The following ICA1L variants were observed in gnomAD, a reference collection of about 807,000 sequenced individuals.
ICA1L encodes islet cell autoantigen 1 like.
In ICA1L, 50 loss-of-function variants were observed where a neutral mutation model predicts 61.3. The observed-to-expected ratio is 0.82, with a 90% CI of 0.65 to 1.03. The LOEUF is 1.03. Among genes scored for constraint, ICA1L ranks in the 50% least tolerant of loss-of-function variants. ICA1L has a pLI of 0.00. For missense variants in ICA1L, 508 were observed against 556.7 expected (o/e 0.91, Z 0.88); for synonymous variants, 161 against 191.3 (o/e 0.84, Z 1.31).
At chr2:202,805,743 G>A (rs1251774029) in intron 9 of ICA1L, among the ~76,000 whole-genome samples, 2 of 152,040 alleles carry the variant, frequency 1.3e-5, no homozygotes, top group African/African-American at 2.4e-5. Context: ...AGAAAAAAGG[G>A]AGAAGGAACA....
intron 1 of ICA1L, among the ~76,000 whole-genome samples, chr2:202,843,426 G>A (rs1469286954): frequency 6.6e-6 from 1 of 152,182 alleles, no homozygotes; most frequent in Admixed American, 6.5e-5. Flanking sequence ...TTCTGCAGTG[G>A]CGCAAGAGTT....
At position 202,830,834 on chromosome 2, in the gene ICA1L, A is replaced by T. The variant is rs1304866972; in HGVS notation, c.-7-1818T>A. On this transcript the variant is annotated intron_variant, in intron 1 of 12. Coordinates refer to ENST00000358299, the MANE Select transcript of ICA1L (RefSeq NM_001288622.3). ...GAGTAAGGCATGTAACACACAGTAC[A>T]AAACAAGAAGATGGAAGAAGAACAA... 2.0e-5 allele frequency among the ~76,000 whole-genome samples: 3 copies of T among 152,292 alleles called. No individual in the cohort carries two copies. The East Asian group carries it at 5.8e-4, about 29-fold the overall frequency.
intron 9 of ICA1L, among the ~76,000 whole-genome samples, chr2:202,809,505 T>A (rs10931999): frequency 3.3e-5 from 5 of 151,808 alleles, no homozygotes; most frequent in Admixed American, 1.3e-4. Flanking sequence ...AAAATTAACC[T>A]GGCATGGTAG....
chr2:202,871,153 A>G (rs1194200117), intron 1 of ICA1L: 3 of 152,270 alleles, frequency 2.0e-5, no homozygotes, highest in African/African-American at 7.2e-5. Context: ...CGAAATAAAA[A>G]TAAGCACCAC....
At chr2:202,811,542 G>A (rs1693378519) in intron 9 of ICA1L, among the ~76,000 whole-genome samples, 1 of 151,306 alleles carries the variant, frequency 6.6e-6, no homozygotes, top group Admixed American at 6.6e-5. Context: ...GGCACCTGTA[G>A]TCCCAGCTAC....
At chr2:202,862,574 C>T (rs1032207565) in intron 1 of ICA1L, among the ~76,000 whole-genome samples, 4 of 152,090 alleles carry the variant, frequency 2.6e-5, no homozygotes, top group Admixed American at 6.5e-5. Context: ...TGGTGGCTCA[C>T]GCCTGTAATC....
intron 1 of ICA1L, among the ~76,000 whole-genome samples, chr2:202,846,893 C>G (rs541016378): frequency 9.2e-5 from 14 of 152,276 alleles, no homozygotes; most frequent in African/African-American, 3.1e-4. Flanking sequence ...ATCACATGAA[C>G]TTTATTTGTA....
intron 3 of ICA1L, chr2:202,825,419 G>C (rs923279736): frequency 2.6e-5 from 16 of 618,302 alleles, no homozygotes; most frequent in Admixed American, 4.6e-5. Context: ...GTAGTGAGCT[G>C]TGATTGCACC....
intron 11 of ICA1L, among the ~76,000 whole-genome samples, chr2:202,786,405 C>T (rs1574324284): frequency 1.3e-5 from 2 of 151,850 alleles, no homozygotes; most frequent in Middle Eastern, 3.4e-3. Context: ...AAAAATTAGC[C>T]GGGCGCGGTG....
At chr2:202,801,797 G>A (rs983832750) in intron 9 of ICA1L, among the ~76,000 whole-genome samples, 2 of 152,298 alleles carry the variant, frequency 1.3e-5, no homozygotes, top group South Asian at 2.1e-4. Flanking sequence ...AAACTGAGCC[G>A]AGCCCACAAT....
chr2:202,794,729 A>C (rs1427503373), intron 10 of ICA1L, among the ~76,000 whole-genome samples: 1 of 152,202 alleles, frequency 6.6e-6, no homozygotes, highest in Non-Finnish European at 1.5e-5. Context: ...TGGAAAAGAA[A>C]ACCTCATTTA....
At chr2:202,818,691 G>C (rs1405415202) in intron 5 of ICA1L, among the ~76,000 whole-genome samples, 1 of 152,108 alleles carries the variant, frequency 6.6e-6, no homozygotes, top group Non-Finnish European at 1.5e-5. Context: ...CCCTACACAA[G>C]CTCTTTTTGC....
chr2:202,819,009 G>T (rs1320935697), intron 5 of ICA1L, among the ~76,000 whole-genome samples: 1 of 152,248 alleles, frequency 6.6e-6, no homozygotes. Context: ...AAAAGGGATG[G>T]AATACGAGGT....
chr2:202,830,871 A>G lies in ICA1L; in HGVS notation c.-7-1855T>C, dbSNP rs539569243. Among the ~76,000 whole-genome samples, 7 of 152,316 alleles carry G rather than the reference A, an allele frequency of 4.6e-5. No homozygotes were observed. In the South Asian group the frequency reaches 1.5e-3, roughly 32 times the overall value. ...TGGAAGAAGAACAATTATATTATTT[A>G]GTATGATAGATGCAAACTTCTTTTT... is the stretch of plus-strand genomic sequence containing the variant. On this transcript the variant is annotated intron_variant, in intron 1 of 12. Coordinates refer to ENST00000358299, the MANE Select transcript of ICA1L (RefSeq NM_001288622.3).
At chr2:202,850,727 C>T (rs1332173184) in intron 1 of ICA1L, among the ~76,000 whole-genome samples, 2 of 152,130 alleles carry the variant, frequency 1.3e-5, no homozygotes, top group African/African-American at 2.4e-5. Context: ...AGGATATTAT[C>T]GAGGAGAACT....
Position 202,776,349 on chromosome 2 carries a change from A to G in ICA1L, c.*3184T>C, listed in dbSNP as rs1692222035. On this transcript the variant is annotated 3_prime_UTR_variant, in exon 13 of 13. Coordinates refer to ENST00000358299, the MANE Select transcript of ICA1L (RefSeq NM_001288622.3). The stretch of plus-strand genomic sequence containing the variant: ...GACTTAAAACACATTTTTATCCAGT[A>G]TAACATAAAGTATAGATATTTCTCC... 1 of 151,816 alleles carries G rather than the reference A, an allele frequency of 6.6e-6. No individual in the cohort carries two copies. Among genetic ancestry groups the G allele is most frequent in the Non-Finnish European group, 1.5e-5 (1 of 68,038 alleles). The allele number at this position is 151,816 out of a possible 1,614,324, so 9.4% of individuals were successfully genotyped here.
intron 9 of ICA1L, among the ~76,000 whole-genome samples, chr2:202,798,806 A>G (rs1693011542): frequency 6.6e-6 from 1 of 151,886 alleles, no homozygotes; most frequent in African/African-American, 2.4e-5. Context: ...TCTTTTATCT[A>G]TTTTTCTACT....
intron 1 of ICA1L, chr2:202,841,000 C>A: frequency 1.5e-6 from 1 of 671,388 alleles, no homozygotes; most frequent in South Asian, 1.4e-5. Flanking sequence ...TTGACCTCAG[C>A]GATGATGCTG....
intron 8 of ICA1L, among the ~76,000 whole-genome samples, chr2:202,813,707 G>A (rs1027781818): frequency 1.3e-5 from 2 of 152,094 alleles, no homozygotes; most frequent in African/African-American, 2.4e-5. Context: ...TTCTGAGTTC[G>A]TTAATATATT....
Sources: allele counts gnomAD v4.1 joint callset (sites outside exome capture counted in the v4.1 genomes callset), GRCh38; gene constraint gnomAD v4.1.1; transcripts MANE v1.5; gene names NCBI Gene and HGNC (gene_info 2026-07-23, HGNC 2026-07-21).